The following RAB20 variants were observed in gnomAD, a reference collection of about 807,000 sequenced individuals.
RAB20 encodes the protein ras-related protein Rab-20.
Under a neutral mutation model 3.7 loss-of-function variants are expected in RAB20, and 2 were observed. The ratio of observed to expected loss-of-function variants is 0.54; its 90% CI spans 0.22 to 1.69. The LOEUF is 1.69. RAB20 is among the 40% of genes most tolerant of loss of function. RAB20 has a pLI of 0.19. For synonymous variants in RAB20, 126 were observed against 130.8 expected (o/e 0.96, Z 0.25); for missense variants, 276 against 311.9 (o/e 0.88, Z 0.87).
intron 1 of RAB20, among the ~76,000 whole-genome samples, chr13:110,537,712 A>C (rs1884672259): frequency 1.4e-5 from 2 of 140,322 alleles, no homozygotes; most frequent in Admixed American, 1.4e-4. Flanking sequence ...AACAGCTTTT[A>C]GAAACAGCTG....
chr13:110,548,018 C>T (rs9521835), intron 1 of RAB20, among the ~76,000 whole-genome samples: 14,378 of 152,230 alleles, frequency 0.094, 876 homozygotes, highest in East Asian at 0.17. Context: ...ACCACCAGAG[C>T]AACTCCTTAT....
intron 1 of RAB20, among the ~76,000 whole-genome samples, chr13:110,536,498 G>A (rs929310715): frequency 5.3e-5 from 8 of 152,138 alleles, no homozygotes; most frequent in Non-Finnish European, 1.0e-4. Flanking sequence ...TCCTCTCCCC[G>A]AGGAAAGCCG....
intron 1 of RAB20, among the ~76,000 whole-genome samples, chr13:110,554,867 T>C (rs1425538370): frequency 2.6e-5 from 4 of 152,128 alleles, no homozygotes; most frequent in Non-Finnish European, 5.9e-5. Context: ...ATCCTTGCAT[T>C]TCGGCTTGGG....
At chr13:110,556,602 T>C (rs1885043027) in intron 1 of RAB20, among the ~76,000 whole-genome samples, 1 of 152,104 alleles carries the variant, frequency 6.6e-6, no homozygotes, top group Non-Finnish European at 1.5e-5. Flanking sequence ...GGTATGATCA[T>C]GGCTCACTGC....
intron 1 of RAB20, among the ~76,000 whole-genome samples, chr13:110,525,445 C>T (rs534810571): frequency 3.5e-4 from 53 of 152,360 alleles, no homozygotes; most frequent in African/African-American, 1.2e-3. Flanking sequence ...CCCAGGACCA[C>T]CTTTCTATCC....
At chr13:110,525,115 C>T (rs946032038) in intron 1 of RAB20, among the ~76,000 whole-genome samples, 3 of 152,212 alleles carry the variant, frequency 2.0e-5, no homozygotes, top group Admixed American at 2.0e-4. Flanking sequence ...GGAGTGTGGG[C>T]ATCTGCTCTC....
At chr13:110,526,129 C>T (rs541407980) in intron 1 of RAB20, among the ~76,000 whole-genome samples, 61 of 152,360 alleles carry the variant, frequency 4.0e-4, no homozygotes, top group Non-Finnish European at 2.6e-4. Flanking sequence ...CCCCTCCTCC[C>T]TGGGGCATGT....
intron 1 of RAB20, among the ~76,000 whole-genome samples, chr13:110,537,507 G>A (rs1001621886): frequency 6.6e-5 from 10 of 151,934 alleles, no homozygotes; most frequent in Middle Eastern, 3.4e-3. Flanking sequence ...TCAATTGTCC[G>A]CACCTTGAAG....
In RAB20 at chr13:110,534,449, G is replaced by A. The variant is rs375725558; in HGVS notation, c.173-10252C>T. Among the ~76,000 whole-genome samples, 34 of 152,334 alleles carry A rather than the reference G, an allele frequency of 2.2e-4. No homozygotes were observed. The South Asian group carries it at 6.6e-3, about 30-fold the overall frequency. On this transcript the variant is annotated intron_variant, in intron 1 of 1. Transcript: ENST00000267328. ...GCCCCTACAAAGAGGTGCTGCCACC[G>A]TGATGTACGAGTGTGCCGGTCAAGG...
At chr13:110,533,898 G>A (rs1378569673) in intron 1 of RAB20, among the ~76,000 whole-genome samples, 5 of 152,210 alleles carry the variant, frequency 3.3e-5, no homozygotes, top group Admixed American at 6.5e-5. Context: ...CCACCAGTAC[G>A]TGGAAAGTGG....
In RAB20 at chr13:110,555,668, T is replaced by C. The variant is rs1032683815; in HGVS notation, c.172+5680A>G. On this transcript the variant is annotated intron_variant, in intron 1 of 1. Coordinates refer to ENST00000267328, the MANE Select transcript of RAB20 (RefSeq NM_017817.3). The surrounding 1 kb of genome is among the most constrained non-coding windows in gnomAD (Gnocchi z 4.0). ...GGAAGCGCAAACGTGAATCAGCCTG[T>C]GCCTTCTGCGGGTGAAACCAGTCAT... 1.3e-5 allele frequency among the ~76,000 whole-genome samples: 2 copies of C among 152,244 alleles called. No individual in the cohort carries two copies. Among genetic ancestry groups the C allele is most frequent in the Non-Finnish European group, 2.9e-5 (2 of 68,046 alleles).
intron 1 of RAB20, among the ~76,000 whole-genome samples, chr13:110,557,472 G>A (rs1204707969): frequency 6.6e-6 from 1 of 152,198 alleles, no homozygotes; most frequent in Non-Finnish European, 1.5e-5. Context: ...TGCTGGAGAG[G>A]AGGCCCTGGT....
At chr13:110,542,452 C>T (rs1198266898) in intron 1 of RAB20, among the ~76,000 whole-genome samples, 1 of 152,116 alleles carries the variant, frequency 6.6e-6, no homozygotes, top group Non-Finnish European at 1.5e-5. Flanking sequence ...ACTGAACCTT[C>T]GTAGCCTTTG....
intron 1 of RAB20, among the ~76,000 whole-genome samples, chr13:110,547,160 C>A (rs201471408): frequency 6.6e-6 from 1 of 152,080 alleles, no homozygotes; most frequent in African/African-American, 2.4e-5. Context: ...CAAATCACAG[C>A]GGTCTACACG....
chr13:110,549,941 C>A (rs1386648039), intron 1 of RAB20, among the ~76,000 whole-genome samples: 1 of 152,112 alleles, frequency 6.6e-6, no homozygotes, highest in East Asian at 1.9e-4. Flanking sequence ...CCGGGCTGGT[C>A]TTGAACTTCT....
intron 1 of RAB20, among the ~76,000 whole-genome samples, chr13:110,535,086 G>A (rs1413992327): frequency 1.3e-5 from 2 of 152,172 alleles, no homozygotes; most frequent in Admixed American, 6.5e-5. Flanking sequence ...CCCCCGCTTT[G>A]CCCTTCTAAA....
chr13:110,561,532 ACC>A lies in RAB20; in HGVS notation c.-15_-14del, dbSNP rs1885134807. ...CGGGCTTCCTCATCTTCCCGTAAGA[ACC>A]CCCAGCGCCCCCGCGCCCTCTCCCC... On this transcript the variant is annotated 5_prime_UTR_variant, in exon 1 of 2. Transcript: ENST00000267328. 1 of 1,545,150 alleles carries A rather than the reference ACC, an allele frequency of 6.5e-7. No individual in the cohort carries two copies. Among genetic ancestry groups the A allele is most frequent in the Admixed American group, 1.9e-5 (1 of 52,346 alleles).
intron 1 of RAB20, among the ~76,000 whole-genome samples, chr13:110,527,587 C>A (rs1884451515): frequency 6.6e-6 from 1 of 152,178 alleles, no homozygotes; most frequent in Admixed American, 6.5e-5. Flanking sequence ...TGTTGGCAAG[C>A]AGCTTGTGCT....
rs1400269470 is a variant in RAB20, at chr13:110,535,533, C to T, written c.173-11336G>A. On this transcript the variant is annotated intron_variant, in intron 1 of 1. Coordinates refer to ENST00000267328, the MANE Select transcript of RAB20 (RefSeq NM_017817.3). ...TTTCCATTTTCGCAGATCTACAAGT[C>T]AAGGCTCAGAGACTCTACTGGCGAG... Among the ~76,000 whole-genome samples the T allele has an allele frequency of 2.6e-5, 4 of 152,270 alleles. No homozygotes were observed. The South Asian group carries it at 8.3e-4, about 31-fold the overall frequency.
Sources: gnomAD v4.1 joint callset for allele counts (sites outside exome capture counted in the v4.1 genomes callset) on GRCh38, gnomAD v4.1.1 for gene constraint, Gnocchi (gnomAD v3.1) non-coding constraint, MANE v1.5 for transcripts, NCBI Gene and HGNC (gene_info 2026-07-23, HGNC 2026-07-21) for gene names.